HNRNPLL: variants seen among roughly 807,000 people sequenced by gnomAD.
HNRNPLL encodes heterogeneous nuclear ribonucleoprotein L like.
A neutral mutation model predicts 67.1 loss-of-function variants in HNRNPLL; 25 were observed. The ratio of observed to expected loss-of-function variants is 0.37; its 90% CI spans 0.27 to 0.52. The LOEUF (loss-of-function observed/expected upper bound fraction) is 0.52, where lower values mean the gene tolerates loss of function less well. HNRNPLL is among the 20% of genes least tolerant of loss of function. The pLI is 0.90. For missense variants in HNRNPLL, 542 were observed against 673.9 expected, an observed-to-expected ratio of 0.80 and a Z score of 2.17; for synonymous variants, 267 against 241.7, an observed-to-expected ratio of 1.10 and a Z score of -0.97.
intron 7 of HNRNPLL, among the ~76,000 whole-genome samples, chr2:38,575,845 T>C (rs1666280992): frequency 6.6e-6 from 1 of 151,704 alleles, no homozygotes; most frequent in Non-Finnish European, 1.5e-5. Flanking sequence ...CTTTGCTTTT[T>C]CCCCTATTAC....
In HNRNPLL at chr2:38,562,700, C is replaced by T. The variant is rs747342555; in HGVS notation, c.*1482G>A. 6.6e-6 allele frequency: 1 copy of T among 151,992 alleles called. No individual in the cohort carries two copies. Among genetic ancestry groups the T allele is most frequent in the Non-Finnish European group, 1.5e-5 (1 of 67,958 alleles). The allele number at this position is 151,992 out of a possible 1,614,324, so 9.4% of individuals were successfully genotyped here. ...ACTTACTGGGTTCTGTGATAAGGGT[C>T]TAAAATACTTCTAGATTAAATTTAA... On this transcript the variant is annotated 3_prime_UTR_variant, in exon 13 of 13. Coordinates refer to ENST00000449105, the MANE Select transcript of HNRNPLL (RefSeq NM_138394.4).
chr2:38,579,719 G>T (rs1281899335), intron 6 of HNRNPLL, among the ~76,000 whole-genome samples: 1 of 149,348 alleles, frequency 6.7e-6, no homozygotes, highest in Non-Finnish European at 1.5e-5. Context: ...AAAAGTGAGG[G>T]TATGTTTTTA....
intron 2 of HNRNPLL, among the ~76,000 whole-genome samples, chr2:38,591,042 A>G (rs1011627231): frequency 3.9e-5 from 6 of 152,156 alleles, no homozygotes; most frequent in Admixed American, 3.3e-4. Flanking sequence ...CACATGAACA[A>G]AAGAACTCAC....
In HNRNPLL at chr2:38,563,388, C is replaced by A. The variant is rs895423479; in HGVS notation, c.*794G>T. 2 of 152,038 alleles carry A rather than the reference C, an allele frequency of 1.3e-5. No homozygotes were observed. Among genetic ancestry groups the A allele is most frequent in the East Asian group, 3.8e-4 (2 of 5,198 alleles). 9.4% of individuals were successfully genotyped at this position (152,038 alleles called of 1,614,324 possible). ...GTACACAGATTCTCTGAAGCCCACC[C>A]ATGGATCCCAGATTATTATCTATAA... On this transcript the variant is annotated 3_prime_UTR_variant, in exon 13 of 13. Transcript: ENST00000449105.
intron 1 of HNRNPLL, among the ~76,000 whole-genome samples, chr2:38,598,556 T>C (rs1667303340): frequency 6.6e-6 from 1 of 152,336 alleles, no homozygotes; most frequent in Non-Finnish European, 1.5e-5. Flanking sequence ...AAGCAATATA[T>C]GATGTAGAAC....
chr2:38,568,369 AGG>A lies in HNRNPLL; in HGVS notation c.1474+15_1474+16del. On this transcript the variant is annotated intron_variant, in intron 11 of 12. Coordinates refer to ENST00000449105, the MANE Select transcript of HNRNPLL (RefSeq NM_138394.4). The stretch of plus-strand genomic sequence containing the variant: ...CAACTTAACCAGAAAGCTTTAAAAG[AGG>A]GACTGTTCACTTACGTTTTGCATCA... 6.2e-7 allele frequency: 1 copy of A among 1,608,202 alleles called. No individual in the cohort carries two copies. Among genetic ancestry groups the A allele is most frequent in the Non-Finnish European group, 8.5e-7 (1 of 1,174,960 alleles).
In HNRNPLL at chr2:38,591,545, T is replaced by C. The variant is rs1263863764; in HGVS notation, c.293A>G (p.Lys98Arg). The change falls in exon 2 of 13, where the codon AAA (lysine) becomes AGA (arginine). Residue 98 changes from lysine (K) to arginine (R), a missense_variant. Physicochemically the swap from Lys to Arg is conservative, Grantham distance 26. Transcript: ENST00000449105. The part of the protein sequence containing the change: ...VEADLVEALE[K>R]FGTICYVMMM... ...TCATCCTTACCATATTGTCCCAAAT[T>C]TTTCCAGCGCTTCCACGAGGTCTGC... 2 of 1,607,180 alleles carry C rather than the reference T, an allele frequency of 1.2e-6. No homozygotes were observed. The highest frequency in any genetic ancestry group is 1.7e-6 in the Non-Finnish European group (2 of 1,173,852).
intron 6 of HNRNPLL, among the ~76,000 whole-genome samples, chr2:38,580,059 C>T (rs76206762): frequency 0.017 from 2,626 of 152,212 alleles, 70 homozygotes; most frequent in African/African-American, 0.059. Context: ...ACATCAGACC[C>T]TTTAAAAGAA....
In HNRNPLL at chr2:38,577,582, AATGGAG is replaced by A. The variant is rs1398570371; in HGVS notation, c.803-56_803-51del. 8.0e-6 allele frequency: 9 copies of A among 1,118,946 alleles called. No individual in the cohort carries two copies. The East Asian group carries it at 2.1e-4, about 26-fold the overall frequency. 69.3% of individuals were successfully genotyped at this position (1,118,946 alleles called of 1,614,324 possible). On this transcript the variant is annotated intron_variant, in intron 6 of 12. Transcript: ENST00000449105. ...TTTAACAATTTTGACCCAAGTACTTAATGGAGTTCTCAGATGGGAAACACCCATTCA... is the reference window on the plus strand; with the variant it reads ...TTTAACAATTTTGACCCAAGTACTTATTCTCAGATGGGAAACACCCATTCA...
At chr2:38,577,868 A>G (rs1558534974) in intron 6 of HNRNPLL, 1 of 476,082 alleles carries the variant, frequency 2.1e-6, no homozygotes, top group African/African-American at 2.0e-5. Context: ...AGTTTTTACC[A>G]ATACATGTCT....
intron 4 of HNRNPLL, among the ~76,000 whole-genome samples, chr2:38,583,539 T>C (rs1042081577): frequency 3.3e-5 from 5 of 152,190 alleles, no homozygotes; most frequent in Non-Finnish European, 7.3e-5. Context: ...CCAAACTACT[T>C]TAAGAGGGAG....
Position 38,577,575 on chromosome 2 carries a change from A to T in HNRNPLL, c.803-43T>A, listed in dbSNP as rs1407765018. On this transcript the variant is annotated intron_variant, in intron 6 of 12. Transcript: ENST00000449105. ...ACATGGTTTTAACAATTTTGACCCA[A>T]GTACTTAATGGAGTTCTCAGATGGG... 3.2e-6 allele frequency: 4 copies of T among 1,241,918 alleles called. No homozygotes were observed. In the East Asian group the frequency reaches 9.3e-5, roughly 29 times the overall value. 76.9% of individuals were successfully genotyped at this position (1,241,918 alleles called of 1,614,324 possible).
intron 1 of HNRNPLL, among the ~76,000 whole-genome samples, chr2:38,592,633 T>G (rs933356385): frequency 6.6e-6 from 1 of 152,246 alleles, no homozygotes; most frequent in African/African-American, 2.4e-5. Flanking sequence ...AATATGGTCT[T>G]AAAGTTTATT....
chr2:38,583,134 T>C (rs1020604450), intron 4 of HNRNPLL, among the ~76,000 whole-genome samples: 2 of 152,172 alleles, frequency 1.3e-5, no homozygotes, highest in Non-Finnish European at 2.9e-5. Flanking sequence ...GGCATAGTTT[T>C]ATAATACTCT....
intron 2 of HNRNPLL, among the ~76,000 whole-genome samples, chr2:38,589,888 G>A (rs1251548443): frequency 6.6e-6 from 1 of 152,058 alleles, no homozygotes; most frequent in Admixed American, 6.6e-5. Flanking sequence ...ATAAACCACA[G>A]ACACCCACCT....
At chr2:38,575,131 A>C (rs1185793137) in intron 7 of HNRNPLL, among the ~76,000 whole-genome samples, 1 of 151,768 alleles carries the variant, frequency 6.6e-6, no homozygotes, top group African/African-American at 2.4e-5. Flanking sequence ...TAACAACCAA[A>C]ATCAGTCCAC....
At chr2:38,602,176 C>G (rs992149925) in intron 1 of HNRNPLL, 1 of 484,432 alleles carries the variant, frequency 2.1e-6, no homozygotes, top group Non-Finnish European at 3.6e-6. Flanking sequence ...CCGCCGCCGC[C>G]GCGCCGCGAC....
chr2:38,581,646 C>G, intron 6 of HNRNPLL: 1 of 516,872 alleles, frequency 1.9e-6, no homozygotes, highest in Non-Finnish European at 3.4e-6. Context: ...GAGAGAGCTG[C>G]TTGGAGAAAT....
chr2:38,602,383 C>A (rs1240230190), intron 1 of HNRNPLL, 55 bp downstream of exon 1: 2 of 1,518,158 alleles, frequency 1.3e-6, no homozygotes, highest in Admixed American at 4.0e-5. Flanking sequence ...GCACCGAGGC[C>A]CTGCTTCCCG....
Sources: gnomAD v4.1 joint callset for allele counts (sites outside exome capture counted in the v4.1 genomes callset) on GRCh38, gnomAD v4.1.1 for gene constraint, MANE v1.5 for transcripts, NCBI Gene and HGNC (gene_info 2026-07-23, HGNC 2026-07-21) for gene names.